The following SASH1 variants were observed in gnomAD, a reference collection of about 807,000 sequenced individuals.
The protein encoded by SASH1 is SAM and SH3 domain-containing protein 1.
A neutral mutation model predicts 125.2 loss-of-function variants in SASH1; 44 were observed. The observed-to-expected ratio is 0.35, with a 90% CI of 0.28 to 0.45. The LOEUF is 0.45. SASH1 is among the 20% of genes least tolerant of loss of function. The pLI, the probability that SASH1 is intolerant of heterozygous loss-of-function variation, is 1.00. For missense variants in SASH1, 1,426 were observed against 1,614.5 expected (o/e 0.88, Z 2.00); for synonymous variants, 639 against 649.1 (o/e 0.98, Z 0.24).
rs778232113 is a variant in SASH1, at chr6:148,544,105, G to A, written c.2635G>A (p.Ala879Thr). ...GAAGACGACCGCCTCTTCCACGAAG[G>A]CCCAGCCCCTGGAGCAAGACTCTGC... is the stretch of plus-strand genomic sequence containing the variant. ...PQKTTASSTK[A>T]QPLEQDSAVD... is the part of the protein sequence containing the mutation. The change falls in exon 18 of 20, where the codon GCC becomes ACC. Residue 879 changes from alanine to threonine, a missense_variant. Ala to Thr is a moderately conservative substitution (Grantham distance 58). Around this residue, in one of 3 missense-constraint regions of SASH1, gnomAD observed 634 missense variants for 694.4 expected, o/e 0.91. Coordinates refer to ENST00000367467, the MANE Select transcript of SASH1 (RefSeq NM_015278.5). This position sits in a 1 kb window ranked among gnomAD's most constrained non-coding sequence, Gnocchi z 6.4. The A allele has an allele frequency of 6.2e-7, 1 of 1,614,036 alleles. No homozygotes were observed. Among genetic ancestry groups the A allele is most frequent in the Non-Finnish European group, 8.5e-7 (1 of 1,179,990 alleles).
chr6:148,397,862 C>T (rs918996989), intron 2 of SASH1, among the ~76,000 whole-genome samples: 1 of 152,160 alleles, frequency 6.6e-6, no homozygotes, highest in South Asian at 2.1e-4. Context: ...GAATCACAGA[C>T]AAAATATGTA....
intron 1 of SASH1, among the ~76,000 whole-genome samples, chr6:148,301,075 C>T (rs1779928617): frequency 6.6e-6 from 1 of 151,834 alleles, no homozygotes; most frequent in Non-Finnish European, 1.5e-5. Context: ...TACCTGTAAT[C>T]CTAGCACTTG....
intron 1 of SASH1, among the ~76,000 whole-genome samples, chr6:148,356,260 T>A (rs9403947): frequency 0.21 from 32,133 of 151,158 alleles, 3,650 homozygotes; most frequent in South Asian, 0.34. Context: ...AATTCTTGTA[T>A]TTTTAGTAGA....
At chr6:148,401,717 A>T (rs1422718194) in intron 2 of SASH1, among the ~76,000 whole-genome samples, 1 of 152,212 alleles carries the variant, frequency 6.6e-6, no homozygotes, top group African/African-American at 2.4e-5. Flanking sequence ...ATCAAAAATA[A>T]ATCAAGAGCA....
At chr6:148,199,337 C>T in the SASH1 span, among the ~76,000 whole-genome samples, 1 of 150,740 alleles carries the variant, frequency 6.6e-6, no homozygotes, top group African/African-American at 2.4e-5. Flanking sequence ...CTTGCCATTG[C>T]ACTCCAGCCT....
intron 1 of SASH1, among the ~76,000 whole-genome samples, chr6:148,379,124 A>G (rs1783030645): frequency 6.6e-6 from 1 of 152,134 alleles, no homozygotes; most frequent in Non-Finnish European, 1.5e-5. Context: ...CGAGTTTCGT[A>G]CTTTATTTAA....
intron 1 of SASH1, among the ~76,000 whole-genome samples, chr6:148,334,528 G>T (rs1781093667): frequency 6.8e-6 from 1 of 147,628 alleles, no homozygotes; most frequent in Admixed American, 6.8e-5. Flanking sequence ...TTAAGAATTC[G>T]AGGCCGGGTG....
intron 9 of SASH1, among the ~76,000 whole-genome samples, chr6:148,514,899 T>G (rs940298039): frequency 6.6e-6 from 1 of 152,330 alleles, no homozygotes; most frequent in East Asian, 1.9e-4. Context: ...AATATCCCTT[T>G]AAATTTCTCA....
intron 1 of SASH1, among the ~76,000 whole-genome samples, chr6:148,355,649 C>A (rs1406599018): frequency 6.6e-6 from 1 of 152,046 alleles, no homozygotes; most frequent in East Asian, 1.9e-4. Context: ...AAGCAGGATG[C>A]CTTCTATAGT....
Position 148,471,442 on chromosome 6 carries a change from T to C in SASH1, c.453T>C (p.Asn151=), listed in dbSNP as rs756791561. 4 of 1,327,872 alleles carry C rather than the reference T, an allele frequency of 3.0e-6. No homozygotes were observed. The highest frequency in any genetic ancestry group is 4.2e-6 in the Non-Finnish European group (4 of 960,758). 82.3% of individuals were successfully genotyped at this position (1,327,872 alleles called of 1,614,324 possible). The change falls in exon 6 of 20, where the codon AAT becomes AAC. Residue 151 remains asparagine, a synonymous_variant. Transcript: ENST00000367467. The part of the protein sequence containing the change: ...SVGKGDWKKK[N]KYFWQNFRKN... ...GAAAAGGAGACTGGAAGAAGAAAAA[T>C]AAGTATTTCTGGCAGAACTTCCGAA...
At position 148,529,252 on chromosome 6, in the gene SASH1, G is replaced by A. The variant is rs551055985; in HGVS notation, c.1428+1656G>A. 7.9e-5 allele frequency among the ~76,000 whole-genome samples: 12 copies of A among 152,270 alleles called. No individual in the cohort carries two copies. Among genetic ancestry groups the A allele is most frequent in the East Asian group, 5.8e-4 (3 of 5,190 alleles). On this transcript the variant is annotated intron_variant, in intron 12 of 19. Coordinates refer to ENST00000367467, the MANE Select transcript of SASH1 (RefSeq NM_015278.5). The surrounding 1 kb of genome is among the most constrained non-coding windows in gnomAD (Gnocchi z 4.2). ...GATCTAGAGGATAGAGGCCAGGGACGCTGCCAAACATCTTAGCATGCACAG... is the reference window on the plus strand; with the variant it reads ...GATCTAGAGGATAGAGGCCAGGGACACTGCCAAACATCTTAGCATGCACAG...
At position 148,549,811 on chromosome 6, in the gene SASH1, A is replaced by G. The variant is rs1269474671; in HGVS notation, c.*1253A>G. 5 of 369,764 alleles carry G rather than the reference A, an allele frequency of 1.4e-5. No homozygotes were observed. The highest frequency in any genetic ancestry group is 6.3e-5 in the African/African-American group (3 of 47,682). 22.9% of individuals were successfully genotyped at this position (369,764 alleles called of 1,614,324 possible). On this transcript the variant is annotated 3_prime_UTR_variant, in exon 20 of 20. Transcript: ENST00000367467. ...TTTACAACTGATTTCAGCACATTCTATCCTTTTTTTTTTTTGAAATGGAGT... is the reference window on the plus strand; with the variant it reads ...TTTACAACTGATTTCAGCACATTCTGTCCTTTTTTTTTTTTGAAATGGAGT...
rs763248593 is a variant in SASH1 at position 148,343,139 on chromosome 6, GCCGGAGCCGGAA to G, written c.81_92del (p.Glu28_Pro31del). The G allele has an allele frequency of 1.7e-5, 27 of 1,597,638 alleles. 1 individual carries two copies. The South Asian group carries it at 2.4e-4, about 14-fold the overall frequency. On this transcript the variant is annotated inframe_deletion, in exon 1 of 20. Coordinates refer to ENST00000367467, the MANE Select transcript of SASH1 (RefSeq NM_015278.5). ...AGCCCGAGCCGGAGCCCGAGCCCGC[GCCGGAGCCGGAA>G]CCGGAGCCCAAGCCGGGTGCTGGCA...
chr6:148,521,007 G>A (rs1382460486), intron 10 of SASH1, among the ~76,000 whole-genome samples: 1 of 152,112 alleles, frequency 6.6e-6, no homozygotes, highest in Non-Finnish European at 1.5e-5. Flanking sequence ...CCTTCCCCTA[G>A]CCTATAGATT....
intron 1 of SASH1, among the ~76,000 whole-genome samples, chr6:148,286,434 C>G (rs1316335838): frequency 1.3e-5 from 2 of 151,880 alleles, no homozygotes; most frequent in Non-Finnish European, 2.9e-5. Context: ...ATTAGTTTGC[C>G]TAGGGCTGCC....
intron 1 of SASH1, among the ~76,000 whole-genome samples, chr6:148,275,600 CA>C (rs1379577698): frequency 6.6e-6 from 1 of 152,176 alleles, no homozygotes; most frequent in Non-Finnish European, 1.5e-5. Context: ...ATTGACCTTC[CA>C]AAATTCCAAG....
At chr6:148,244,048 C>T in the SASH1 span, among the ~76,000 whole-genome samples, 1 of 152,184 alleles carries the variant, frequency 6.6e-6, no homozygotes, top group Non-Finnish European at 1.5e-5. Flanking sequence ...CCCCAAAGCA[C>T]TCTGAGACTA....
intron 5 of SASH1, 34 bp downstream of exon 5, chr6:148,468,619 T>C (rs769740688): frequency 1.4e-6 from 2 of 1,387,984 alleles, no homozygotes; most frequent in South Asian, 1.2e-5. Flanking sequence ...ACCTATTTAA[T>C]TATTTCAATA....
intron 4 of SASH1, among the ~76,000 whole-genome samples, chr6:148,446,088 CTTTTTT>C (rs576798745): frequency 1.4e-5 from 1 of 71,002 alleles, no homozygotes; most frequent in Non-Finnish European, 2.6e-5. Flanking sequence ...ACATAGGGTT[CTTTTTT>C]TTTTTTTTTT....
Sources: gnomAD v4.1 joint callset for allele counts (sites outside exome capture counted in the v4.1 genomes callset) on GRCh38, gnomAD v4.1.1 for gene constraint, gnomAD v4.1.1 regional missense constraint, Gnocchi (gnomAD v3.1) non-coding constraint, MANE v1.5 for transcripts, NCBI Gene and HGNC (gene_info 2026-07-23, HGNC 2026-07-21) for gene names.